CEBPZ: variants seen among roughly 807,000 people sequenced by gnomAD.
CEBPZ encodes CCAAT/enhancer-binding protein zeta.
In CEBPZ, 78 loss-of-function variants were observed where a neutral mutation model predicts 104.5. That is an observed-to-expected ratio of 0.75 (90% CI 0.62 to 0.90). CEBPZ has a LOEUF of 0.90. Among genes scored for constraint, CEBPZ ranks in the 40% least tolerant of loss-of-function variants. CEBPZ has a pLI of 0.00. For missense variants in CEBPZ, 1,439 were observed against 1,233.5 expected (o/e 1.17, Z -2.50); for synonymous variants, 470 against 427.0 (o/e 1.10, Z -1.24).
At chr2:37,214,802 A>G (rs1677829235) in intron 9 of CEBPZ, 84 bp downstream of exon 9, 7 of 831,776 alleles carry the variant, frequency 8.4e-6, no homozygotes. Context: ...GAAGTAGATT[A>G]TTTCATAAAA....
At chr2:37,207,882 G>T (rs60133039) in intron 13 of CEBPZ, among the ~76,000 whole-genome samples, 30 of 151,992 alleles carry the variant, frequency 2.0e-4, no homozygotes, top group Non-Finnish European at 4.0e-4. Context: ...GAAAAATAAA[G>T]AAAATCGGTA....
chr2:37,230,082 G>A (rs1019096490), intron 1 of CEBPZ, among the ~76,000 whole-genome samples: 1 of 152,136 alleles, frequency 6.6e-6, no homozygotes, highest in Non-Finnish European at 1.5e-5. Flanking sequence ...ATTTAAAATA[G>A]TGAAAGACTG....
intron 15 of CEBPZ, 97 bp downstream of exon 15, chr2:37,202,687 A>AAAAAAAAAAAAAAAAAAAAAAAAAC (rs1677326495): frequency 4.6e-6 from 1 of 217,472 alleles, no homozygotes; most frequent in Non-Finnish European, 8.3e-6. Flanking sequence ...AAAAAAAAAA[A>AAAAAAAAAAAAAAAAAAAAAAAAAC]AAAAAGAATA....
rs369078842 is a variant in CEBPZ, at chr2:37,228,985, C to T, written c.208G>A (p.Gly70Arg). The part of the protein sequence containing the change: ...TLDENEEVID[G>R]GKKGAIDDLQ... ...TCATCGATTGCTCCTTTTTTGCCTCCATCTATCACTTCCTCATTCTCATCC... is the reference window on the plus strand; with the variant it reads ...TCATCGATTGCTCCTTTTTTGCCTCTATCTATCACTTCCTCATTCTCATCC... Residue 70 changes from glycine to arginine, a missense_variant, in exon 2 of 16, where the codon GGA becomes AGA. Gly to Arg is a moderately radical substitution (Grantham distance 125). Coordinates refer to ENST00000234170, the MANE Select transcript of CEBPZ (RefSeq NM_005760.3). The T allele has an allele frequency of 4.3e-5, 69 of 1,595,398 alleles. No individual in the cohort carries two copies. Among genetic ancestry groups the T allele is most frequent in the Non-Finnish European group, 5.6e-5 (66 of 1,174,554 alleles).
chr2:37,220,958 T>C (rs901523103), intron 4 of CEBPZ, among the ~76,000 whole-genome samples: 15 of 151,792 alleles, frequency 9.9e-5, no homozygotes, highest in South Asian at 4.2e-4. Context: ...GATCGTGCCA[T>C]TGTGATCCAG....
chr2:37,202,017 C>T (rs1415081666), intron 15 of CEBPZ, 114 bp from the exon 16 acceptor site: 7 of 864,448 alleles, frequency 8.1e-6, no homozygotes, highest in Non-Finnish European at 1.8e-6. Flanking sequence ...CTGTGGTTTC[C>T]CACCCACTAT....
intron 8 of CEBPZ, among the ~76,000 whole-genome samples, chr2:37,215,879 T>A (rs1347526300): frequency 6.6e-6 from 1 of 151,060 alleles, no homozygotes; most frequent in African/African-American, 2.4e-5. Context: ...AGCTGGGTGA[T>A]GGTAATGGGG....
intron 13 of CEBPZ, 86 bp from the exon 14 acceptor site, chr2:37,203,094 A>G (rs1677360168): frequency 1.1e-6 from 1 of 904,790 alleles, no homozygotes; most frequent in Non-Finnish European, 1.6e-6. Context: ...TATTTTAAAA[A>G]TTATACTTGG....
chr2:37,217,750 A>C (rs1419133678), intron 5 of CEBPZ, among the ~76,000 whole-genome samples: 1 of 150,646 alleles, frequency 6.6e-6, no homozygotes, highest in Non-Finnish European at 1.5e-5. Flanking sequence ...AAAATACAAA[A>C]AATTAGCCGG....
intron 2 of CEBPZ, among the ~76,000 whole-genome samples, chr2:37,226,541 T>C (rs1379539668): frequency 6.6e-6 from 1 of 152,202 alleles, no homozygotes; most frequent in Non-Finnish European, 1.5e-5. Flanking sequence ...ATAGCTGCTT[T>C]TCTCTCCATC....
chr2:37,201,838 T>G lies in CEBPZ; in HGVS notation c.3091A>C (p.Ile1031Leu). The change falls in exon 16 of 16, where the codon ATC becomes CTC. Residue 1031 changes from isoleucine (I) to leucine (L), a missense_variant. Coordinates refer to ENST00000234170, the MANE Select transcript of CEBPZ (RefSeq NM_005760.3). The stretch of plus-strand genomic sequence containing the variant: ...TTAAAATGTTTCTTTTTCTTGATGA[T>G]ACTTTTTGCATCTCTGTTGTGTAGC... ...DWLHNRDAKSIIKKKKHFKKK... is the reference protein window; with the variant it reads ...DWLHNRDAKSLIKKKKHFKKK... 1 of 1,611,582 alleles carries G rather than the reference T, an allele frequency of 6.2e-7. No homozygotes were observed. Among genetic ancestry groups the G allele is most frequent in the Non-Finnish European group, 8.5e-7 (1 of 1,177,600 alleles).
chr2:37,212,681 TGTC>T (rs1193641754), intron 10 of CEBPZ: 6 of 430,438 alleles, frequency 1.4e-5, no homozygotes, highest in African/African-American at 4.0e-5. Flanking sequence ...ATTTAGCAAT[TGTC>T]GTCCTTTTTA....
Position 37,228,180 on chromosome 2 carries a change from TG to T in CEBPZ, c.1012del (p.Gln338SerfsTer2). 1 of 1,614,258 alleles carries T rather than the reference TG, an allele frequency of 6.2e-7. No individual in the cohort carries two copies. Among genetic ancestry groups the T allele is most frequent in the Non-Finnish European group, 8.5e-7 (1 of 1,180,044 alleles). The part of the protein sequence containing the change: ...RRLILWYFEH[Q>X]LKHLVAEFVQ... ...AAATTCAGCCACTAAGTGTTTCAGC[TG>T]GTGTTCAAAATACCATAATATCAGT... On this transcript the variant is annotated frameshift_variant, in exon 2 of 16. Transcript: ENST00000234170. LOFTEE classifies it high-confidence loss of function.
intron 13 of CEBPZ, among the ~76,000 whole-genome samples, chr2:37,206,616 G>A (rs903445874): frequency 1.7e-4 from 26 of 152,194 alleles, no homozygotes; most frequent in Middle Eastern, 3.4e-3. Flanking sequence ...TGGGCCTCCC[G>A]AAGTGCTGGG....
chr2:37,219,851 AAC>A (rs201379313), intron 5 of CEBPZ, among the ~76,000 whole-genome samples: 2,032 of 152,352 alleles, frequency 0.013, 15 homozygotes, highest in Non-Finnish European at 0.021. Flanking sequence ...TACAAAAAGC[AAC>A]AGTCATAACC....
Position 37,228,210 on chromosome 2 carries a change from C to G in CEBPZ, c.983G>C (p.Arg328Thr), listed in dbSNP as rs1334734714. The G allele has an allele frequency of 1.9e-6, 3 of 1,614,242 alleles. No homozygotes were observed. The highest frequency in any genetic ancestry group is 3.3e-5 in the Admixed American group (2 of 60,034). ...LSSGNKDSRDRRLILWYFEHQ... is the reference protein window; with the variant it reads ...LSSGNKDSRDTRLILWYFEHQ... ...TTCAAAATACCATAATATCAGTCTTCTATCTCTTGAGTCCTTGTTGCCACT... is the reference window on the plus strand; with the variant it reads ...TTCAAAATACCATAATATCAGTCTTGTATCTCTTGAGTCCTTGTTGCCACT... The change falls in exon 2 of 16, where the codon AGA (arginine) becomes ACA (threonine). Residue 328 changes from arginine to threonine, a missense_variant. Coordinates refer to ENST00000234170, the MANE Select transcript of CEBPZ (RefSeq NM_005760.3).
rs190566658 is a variant in CEBPZ at position 37,221,804 on chromosome 2, C to A, written c.2065+576G>T. On this transcript the variant is annotated intron_variant, in intron 4 of 15. Transcript: ENST00000234170. The stretch of plus-strand genomic sequence containing the variant: ...CAAGCTGAAGAAATGGGTCTGGCAC[C>A]ACATTTCTCGAACCTCAAGGCTGGT... Among the ~76,000 whole-genome samples, 355 of 152,302 alleles carry A rather than the reference C, an allele frequency of 2.3e-3. 1 individual carries two copies. Among genetic ancestry groups the A allele is most frequent in the Non-Finnish European group, 3.8e-3 (258 of 68,030 alleles).
intron 4 of CEBPZ, 119 bp from the exon 5 acceptor site, chr2:37,220,592 C>T: frequency 4.4e-6 from 2 of 449,598 alleles, no homozygotes; most frequent in Non-Finnish European, 4.0e-6. Context: ...CTTAGCCAAG[C>T]AACCTAGATT....
chr2:37,202,667 AAAAAAAAAAAAAAAAAAAAAAAAAAG>A, intron 15 of CEBPZ, 91 bp downstream of exon 15: 1 of 62,612 alleles, frequency 1.6e-5, no homozygotes, highest in South Asian at 6.7e-4. Context: ...AAAAAAAAAA[AAAAAAAAAAAAAAAAAAAAAAAAAAG>A]AATAAATAAA....
Sources: allele counts gnomAD v4.1 joint callset (sites outside exome capture counted in the v4.1 genomes callset), GRCh38; gene constraint gnomAD v4.1.1; transcripts MANE v1.5; gene names NCBI Gene and HGNC (gene_info 2026-07-23, HGNC 2026-07-21).